Variants in LCMT1 observed in about 807,000 individuals in gnomAD.
LCMT1 encodes [Phosphatase 2A protein]-leucine-carboxy methyltransferase 1.
Under a neutral mutation model 47.7 loss-of-function variants are expected in LCMT1, and 32 were observed. The ratio of observed to expected loss-of-function variants is 0.67; its 90% confidence interval spans 0.51 to 0.90. The LOEUF (loss-of-function observed/expected upper bound fraction) is 0.90, where lower values mean the gene tolerates loss of function less well. Ranked by LOEUF, LCMT1 falls within the 40% of genes least tolerant of loss-of-function variation. The pLI, the probability that LCMT1 is intolerant of heterozygous loss-of-function variation, is 0.00. For missense variants in LCMT1, 375 were observed against 415.2 expected (o/e 0.90, Z 0.84); for synonymous variants, 152 against 149.7 (o/e 1.02, Z -0.11).
chr16:25,171,464 A>G (rs951825604), intron 9 of LCMT1, among the ~76,000 whole-genome samples: 2 of 152,146 alleles, frequency 1.3e-5, no homozygotes, highest in African/African-American at 4.8e-5. Flanking sequence ...ACAAGACCCT[A>G]ACTAGACCTA....
chr16:25,153,760 C>G (rs1961150722), intron 5 of LCMT1, among the ~76,000 whole-genome samples: 2 of 152,064 alleles, frequency 1.3e-5, no homozygotes, highest in South Asian at 4.2e-4. Context: ...CGAGACCAGC[C>G]TGGCCAACAT....
rs753293812 is a variant in LCMT1, at chr16:25,161,160, G to T, written c.525G>T (p.Leu175=). The T allele has an allele frequency of 1.9e-6, 3 of 1,610,458 alleles. No individual in the cohort carries two copies. Among genetic ancestry groups the T allele is most frequent in the Non-Finnish European group, 2.5e-6 (3 of 1,178,586 alleles). ...TTATTGGAGCAGATCTCCGAGACCT[G>T]TCTGAACTGGAAGAGAAGCTAAAGA... ...YAVIGADLRD[L]SELEEKLKKC... is the part of the protein sequence containing the mutation. Residue 175 remains leucine, a synonymous_variant, in exon 6 of 11, where the codon CTG becomes CTT. Transcript: ENST00000399069.
intron 4 of LCMT1, chr16:25,142,152 C>T (rs902359303): frequency 3.9e-5 from 6 of 152,226 alleles, no homozygotes; most frequent in African/African-American, 1.4e-4. Flanking sequence ...ACAGAATACC[C>T]CATGGGTGCA....
chr16:25,115,459 C>G (rs1201448145), intron 1 of LCMT1, among the ~76,000 whole-genome samples: 1 of 152,200 alleles, frequency 6.6e-6, no homozygotes, highest in East Asian at 1.9e-4. Context: ...TCATGTCAGC[C>G]AACCTCAACT....
At position 25,165,447 on chromosome 16, in the gene LCMT1, G is replaced by T. The variant is rs1345510873; in HGVS notation, c.690+729G>T. Among the ~76,000 whole-genome samples the T allele has an allele frequency of 2.6e-5, 4 of 152,072 alleles. No homozygotes were observed. In the East Asian group the frequency reaches 5.8e-4, roughly 22 times the overall value. ...TTGGGAGTCCATTCTCTGGAGTTGG[G>T]CGTTCCTGCTGTGTGACCTGGGCAA... is the stretch of plus-strand genomic sequence containing the variant. On this transcript the variant is annotated intron_variant, in intron 7 of 10. Coordinates refer to ENST00000399069, the MANE Select transcript of LCMT1 (RefSeq NM_016309.3).
At chr16:25,163,217 C>G (rs575851886) in intron 6 of LCMT1, among the ~76,000 whole-genome samples, 1 of 152,232 alleles carries the variant, frequency 6.6e-6, no homozygotes, top group African/African-American at 2.4e-5. Flanking sequence ...GCCTGTAATC[C>G]CAGCACTTTG....
At chr16:25,150,877 T>C in intron 4 of LCMT1, among the ~76,000 whole-genome samples, 1 of 152,166 alleles carries the variant, frequency 6.6e-6, no homozygotes, top group Non-Finnish European at 1.5e-5. Context: ...TTATATTAAA[T>C]ATGCTTTTTA....
At chr16:25,156,628 G>C (rs983296618) in intron 5 of LCMT1, among the ~76,000 whole-genome samples, 1 of 152,210 alleles carries the variant, frequency 6.6e-6, no homozygotes, top group African/African-American at 2.4e-5. Context: ...CGGGTGGCAG[G>C]AGGTGCGTGC....
chr16:25,151,107 C>A (rs1252311925), intron 4 of LCMT1, among the ~76,000 whole-genome samples: 1 of 152,124 alleles, frequency 6.6e-6, no homozygotes, highest in African/African-American at 2.4e-5. Context: ...ATAAATGTTA[C>A]TGAACTTCAA....
At chr16:25,112,100 C>T (rs1467892245) in intron 1 of LCMT1, 104 bp downstream of exon 1, 2 of 773,896 alleles carry the variant, frequency 2.6e-6, no homozygotes, top group Non-Finnish European at 4.5e-6. Flanking sequence ...AGGGATGCAG[C>T]CCCCGCCTCG....
At chr16:25,132,325 C>G in intron 2 of LCMT1, 77 bp from the exon 3 acceptor site, 3 of 1,565,150 alleles carry the variant, frequency 1.9e-6, no homozygotes, top group Non-Finnish European at 8.7e-7. Context: ...TTGCTCTTCT[C>G]CTGGGGTGGG....
chr16:25,148,713 G>A (rs1432321280), intron 4 of LCMT1: 1 of 152,218 alleles, frequency 6.6e-6, no homozygotes, highest in Non-Finnish European at 1.5e-5. Flanking sequence ...TACCAGTCGC[G>A]AGACTAGAGG....
chr16:25,176,550 C>CTTTTTTTTT lies in LCMT1; in HGVS notation c.983-1429_983-1421dup, dbSNP rs1170373745. 2.9e-4 allele frequency among the ~76,000 whole-genome samples: 13 copies of CTTTTTTTTT among 44,268 alleles called. 1 individual carries two copies. Among genetic ancestry groups the CTTTTTTTTT allele is most frequent in the Non-Finnish European group, 4.0e-4 (11 of 27,740 alleles). 29.0% of individuals were successfully genotyped at this position (44,268 alleles called of 152,430 possible). On this transcript the variant is annotated intron_variant, in intron 10 of 10. Coordinates refer to ENST00000399069, the MANE Select transcript of LCMT1 (RefSeq NM_016309.3). ...GGTTTTGGTTTTTGTTTTTTTTTGG[C>CTTTTTTTTT]TTTTTTTTTTTTTTTTTTTTTTTTT...
At position 25,169,129 on chromosome 16, in the gene LCMT1, G is replaced by A. The variant is rs1425592265; in HGVS notation, c.708G>A (p.Arg236=). 6.2e-7 allele frequency: 1 copy of A among 1,613,108 alleles called. No homozygotes were observed. The highest frequency in any genetic ancestry group is 8.5e-7 in the Non-Finnish European group (1 of 1,179,508). The change falls in exon 8 of 11, where the codon CGG becomes CGA. Residue 236 remains arginine (R), a synonymous_variant. Coordinates refer to ENST00000399069, the MANE Select transcript of LCMT1 (RefSeq NM_016309.3). ...CCTCCTAGGTGAACATGGGTGATCGGTTTGGGCAGATCATGATTGAAAACC... is the reference window on the plus strand; with the variant it reads ...CCTCCTAGGTGAACATGGGTGATCGATTTGGGCAGATCATGATTGAAAACC... ...INYEQVNMGD[R]FGQIMIENLR...
intron 8 of LCMT1, chr16:25,169,470 G>T: frequency 1.5e-5 from 5 of 334,956 alleles, no homozygotes; most frequent in South Asian, 1.2e-4. Context: ...TAGAGGGAAT[G>T]GTGAAATAAA....
chr16:25,170,730 C>G lies in LCMT1; in HGVS notation c.809C>G (p.Ser270Trp). ...ACATTTTAGAAAGAACGGCTCCTGT[C>G]GAATGGGTGGGAAACAGCATCGGCC... ...SLESQKERLL[S>W]NGWETASAVD... Residue 270 changes from serine to tryptophan, a missense_variant, in exon 9 of 11, where the codon TCG (serine) becomes TGG (tryptophan). Ser to Trp is a radical substitution (Grantham distance 177). Coordinates refer to ENST00000399069, the MANE Select transcript of LCMT1 (RefSeq NM_016309.3). 6.2e-7 allele frequency: 1 copy of G among 1,613,172 alleles called. No individual in the cohort carries two copies. The highest frequency in any genetic ancestry group is 1.1e-5 in the South Asian group (1 of 91,006).
intron 5 of LCMT1, among the ~76,000 whole-genome samples, chr16:25,153,975 C>T (rs771453072): frequency 6.6e-6 from 1 of 152,058 alleles, no homozygotes; most frequent in Non-Finnish European, 1.5e-5. Context: ...AAATTTCTAC[C>T]AGTCTGGTAG....
rs377530979 is a variant in LCMT1, at chr16:25,164,655, C to T, written c.627C>T (p.Ser209=). The change falls in exon 7 of 11, where the codon TCC becomes TCT. Residue 209 remains serine, a synonymous_variant. Transcript: ENST00000399069. ...CVLVYMTPEQ[S]ANLLKWAANS... is the part of the protein sequence containing the mutation. ...TGGTTTACATGACTCCAGAGCAGTC[C>T]GCAAACCTCCTGAAGTGGGCAGCCA... 190 of 1,613,902 alleles carry T rather than the reference C, an allele frequency of 1.2e-4. 1 individual carries two copies. The South Asian group carries it at 1.2e-3, about 10-fold the overall frequency.
intron 1 of LCMT1, among the ~76,000 whole-genome samples, chr16:25,115,442 G>A (rs185156302): frequency 9.6e-4 from 146 of 152,256 alleles, no homozygotes; most frequent in African/African-American, 2.9e-3. Flanking sequence ...GCTTGGTGCC[G>A]CTACGATCAT....
Sources: allele counts gnomAD v4.1 joint callset (sites outside exome capture counted in the v4.1 genomes callset), GRCh38; gene constraint gnomAD v4.1.1; transcripts MANE v1.5; gene names NCBI Gene and HGNC (gene_info 2026-07-23, HGNC 2026-07-21).